Variants in FOXP1 observed in about 807,000 individuals in gnomAD.
FOXP1 encodes the protein forkhead box P1.
Under a neutral mutation model 98.2 loss-of-function variants are expected in FOXP1, and 15 were observed. The ratio of observed to expected loss-of-function variants is 0.15; its 90% CI spans 0.10 to 0.24. The LOEUF is 0.24. Among genes scored for constraint, FOXP1 ranks in the 10% least tolerant of loss-of-function variants. The pLI, the probability that FOXP1 is intolerant of heterozygous loss-of-function variation, is 1.00. For synonymous variants in FOXP1, 371 were observed against 314.5 expected (o/e 1.18, Z -1.90); for missense variants, 633 against 848.5 (o/e 0.75, Z 3.15).
intron 3 of FOXP1, among the ~76,000 whole-genome samples, chr3:71,361,835 T>C (rs891049818): frequency 6.6e-6 from 1 of 152,238 alleles, no homozygotes; most frequent in African/African-American, 2.4e-5. Flanking sequence ...TTGTCTGATA[T>C]GGTCACTGAT....
rs540436609 is a variant in FOXP1, at chr3:71,228,251, G to C, written c.-11-29859C>G. 6.3e-4 allele frequency among the ~76,000 whole-genome samples: 96 copies of C among 151,940 alleles called. 1 individual carries two copies. Among genetic ancestry groups the C allele is most frequent in the Non-Finnish European group, 1.2e-3 (82 of 67,990 alleles). On this transcript the variant is annotated intron_variant, in intron 5 of 20. Coordinates refer to ENST00000649528, the MANE Select transcript of FOXP1 (RefSeq NM_001349338.3). The stretch of plus-strand genomic sequence containing the variant: ...ACAAGAGATTTGGTACCTAAGTGGA[G>C]AACTTACTGTTTTCAATTCTCTATA...
chr3:70,985,256 C>G (rs1452116909), intron 14 of FOXP1, among the ~76,000 whole-genome samples: 1 of 152,144 alleles, frequency 6.6e-6, no homozygotes, highest in Admixed American at 6.5e-5. Context: ...GCCATGCATT[C>G]TATTATTTAG....
At chr3:71,240,574 G>A (rs921670391) in intron 5 of FOXP1, among the ~76,000 whole-genome samples, 2 of 151,602 alleles carry the variant, frequency 1.3e-5, no homozygotes, top group African/African-American at 2.4e-5. Context: ...ACGGAGTCTC[G>A]CTCTGTCACC....
At chr3:71,527,435 A>G (rs982332562) in intron 2 of FOXP1, among the ~76,000 whole-genome samples, 1 of 152,212 alleles carries the variant, frequency 6.6e-6, no homozygotes, top group Non-Finnish European at 1.5e-5. Context: ...TGACCCTCAC[A>G]AAGTCCTTAA....
chr3:71,098,781 A>C (rs540882839), intron 7 of FOXP1, among the ~76,000 whole-genome samples: 1 of 152,346 alleles, frequency 6.6e-6, no homozygotes, highest in Admixed American at 6.5e-5. Context: ...CCTATCATTA[A>C]TTCATGTAAA....
chr3:71,156,498 G>A (rs1035405941), intron 6 of FOXP1, among the ~76,000 whole-genome samples: 19 of 132,034 alleles, frequency 1.4e-4, no homozygotes, highest in Non-Finnish European at 2.6e-4. Context: ...GAATTTAAAT[G>A]AGCCTGGGAG....
At chr3:71,460,365 G>A (rs147502684) in intron 3 of FOXP1, among the ~76,000 whole-genome samples, 3 of 151,362 alleles carry the variant, frequency 2.0e-5, no homozygotes, top group East Asian at 3.9e-4. Flanking sequence ...TCAGCCTCTC[G>A]AGTAGCTGGT....
chr3:71,560,932 G>A, intron 2 of FOXP1, among the ~76,000 whole-genome samples: 1 of 152,162 alleles, frequency 6.6e-6, no homozygotes. Flanking sequence ...GAGAGGATGA[G>A]TGCTAAAGGT....
rs76116892 is a variant in FOXP1 at position 71,027,256 on chromosome 3, C to T, written c.870-11603G>A. The stretch of plus-strand genomic sequence containing the variant: ...AACCAATGACACCCAAAAAAACCAA[C>T]GACCGTAAACAAAGTTCCAATATTA... On this transcript the variant is annotated intron_variant, in intron 11 of 20. Transcript: ENST00000649528. 5.3e-3 allele frequency among the ~76,000 whole-genome samples: 809 copies of T among 152,300 alleles called. 4 individuals are homozygous for T. Among genetic ancestry groups the T allele is most frequent in the Non-Finnish European group, 7.5e-3 (511 of 68,028 alleles).
chr3:70,974,064 C>T (rs2036969960), intron 17 of FOXP1, among the ~76,000 whole-genome samples: 2 of 151,948 alleles, frequency 1.3e-5, no homozygotes, highest in Non-Finnish European at 2.9e-5. Context: ...TGATGAATTG[C>T]TTGAAAGGAG....
intron 3 of FOXP1, among the ~76,000 whole-genome samples, chr3:71,365,492 C>T (rs1370556475): frequency 1.4e-5 from 2 of 148,038 alleles, no homozygotes; most frequent in Non-Finnish European, 1.5e-5. Context: ...CTCATCAATA[C>T]AGTCAAGCCC....
At chr3:71,547,118 AG>A (rs1416040306) in intron 2 of FOXP1, among the ~76,000 whole-genome samples, 1 of 152,200 alleles carries the variant, frequency 6.6e-6, no homozygotes, top group Non-Finnish European at 1.5e-5. Context: ...AAAAGGTTCA[AG>A]GGGGAATTCA....
At chr3:70,992,091 G>C (rs973711768) in intron 13 of FOXP1, among the ~76,000 whole-genome samples, 2 of 152,206 alleles carry the variant, frequency 1.3e-5, no homozygotes, top group South Asian at 2.1e-4. Flanking sequence ...ATACAATGAT[G>C]ATCTCCAAGT....
At chr3:71,071,228 G>C (rs915187953) in intron 7 of FOXP1, among the ~76,000 whole-genome samples, 5 of 152,168 alleles carry the variant, frequency 3.3e-5, no homozygotes, top group African/African-American at 1.2e-4. Context: ...TGAGAACAGA[G>C]GGTGTGTTTA....
intron 3 of FOXP1, among the ~76,000 whole-genome samples, chr3:71,430,953 C>T (rs2084659622): frequency 6.6e-6 from 1 of 151,596 alleles, no homozygotes; most frequent in Non-Finnish European, 1.5e-5. Flanking sequence ...ACCAATGGGC[C>T]CCTCCAATTT....
In FOXP1 at chr3:70,973,244, G is replaced by GCCCCCGC. The variant is rs747949694; in HGVS notation, c.1531-569_1531-568insGCGGGGG. 1.9e-3 allele frequency among the ~76,000 whole-genome samples: 111 copies of GCCCCCGC among 58,988 alleles called. 2 individuals are homozygous for GCCCCCGC. The East Asian group carries it at 0.024, about 13-fold the overall frequency. 38.7% of individuals were successfully genotyped at this position (58,988 alleles called of 152,430 possible). A position where few individuals can be genotyped will look rare whatever the true frequency, so the allele number is the denominator to read the frequency against. ...GGTGGTGAACGGACCCCCCGCCCCC[G>GCCCCCGC]CCCCGCCCCGCCCCGGTCAAGAGAT... is the stretch of plus-strand genomic sequence containing the variant. On this transcript the variant is annotated intron_variant, in intron 17 of 20. Coordinates refer to ENST00000649528, the MANE Select transcript of FOXP1 (RefSeq NM_001349338.3).
chr3:71,353,322 T>A (rs1429725732), intron 4 of FOXP1, among the ~76,000 whole-genome samples: 1 of 152,206 alleles, frequency 6.6e-6, no homozygotes. Context: ...AACTGCCTGA[T>A]CAAGTCTCAT....
intron 2 of FOXP1, among the ~76,000 whole-genome samples, chr3:71,519,641 A>G (rs2042836679): frequency 6.6e-6 from 1 of 152,168 alleles, no homozygotes; most frequent in African/African-American, 2.4e-5. Flanking sequence ...CTTTATTTCT[A>G]TTCCTTGCCC....
intron 2 of FOXP1, chr3:71,570,367 G>C (rs1314581944): frequency 6.6e-6 from 1 of 150,476 alleles, no homozygotes; most frequent in African/African-American, 2.5e-5. Context: ...GTTATTCATT[G>C]TAAGACTCTC....
Sources: gnomAD v4.1 joint callset for allele counts (sites outside exome capture counted in the v4.1 genomes callset) on GRCh38, gnomAD v4.1.1 for gene constraint, MANE v1.5 for transcripts, NCBI Gene and HGNC (gene_info 2026-07-23, HGNC 2026-07-21) for gene names.